MRTFB: variants seen among roughly 807,000 people sequenced by gnomAD.
MRTFB encodes the protein myocardin-related transcription factor B.
A neutral mutation model predicts 104.2 loss-of-function variants in MRTFB; 29 were observed. The observed-to-expected ratio is 0.28, with a 90% CI of 0.21 to 0.38. The LOEUF (loss-of-function observed/expected upper bound fraction) is 0.38. Among genes scored for constraint, MRTFB ranks in the 10% least tolerant of loss-of-function variants. The pLI is 1.00. For synonymous variants in MRTFB, 535 were observed against 519.5 expected (o/e 1.03, Z -0.41); for missense variants, 1,270 against 1,341.6 (o/e 0.95, Z 0.83).
At chr16:14,101,608 CTGTT>C (rs1325309112) in intron 2 of MRTFB, among the ~76,000 whole-genome samples, 1 of 152,154 alleles carries the variant, frequency 6.6e-6, no homozygotes, top group Non-Finnish European at 1.5e-5. Flanking sequence ...TCTATTAACA[CTGTT>C]TGTGGTGGTC....
At chr16:14,179,908 G>A (rs530641211) in intron 3 of MRTFB, among the ~76,000 whole-genome samples, 2 of 152,274 alleles carry the variant, frequency 1.3e-5, no homozygotes, top group East Asian at 1.9e-4. Flanking sequence ...GCACGACACC[G>A]GTGAGACGCT....
At chr16:14,103,827 CAG>C in intron 2 of MRTFB, among the ~76,000 whole-genome samples, 1 of 152,282 alleles carries the variant, frequency 6.6e-6, no homozygotes, top group Middle Eastern at 3.4e-3. Flanking sequence ...GAAAGAGTAG[CAG>C]TTTTAAAGAG....
intron 3 of MRTFB, among the ~76,000 whole-genome samples, chr16:14,172,725 T>G (rs2039462988): frequency 6.6e-6 from 1 of 152,156 alleles, no homozygotes; most frequent in Non-Finnish European, 1.5e-5. Flanking sequence ...TAATGTTTGG[T>G]GTAATTTTGA....
At chr16:14,123,986 C>T (rs2036980659) in intron 2 of MRTFB, among the ~76,000 whole-genome samples, 1 of 152,170 alleles carries the variant, frequency 6.6e-6, no homozygotes, top group African/African-American at 2.4e-5. Context: ...TCCCTCACAT[C>T]CCTTGTAAGT....
chr16:14,113,335 C>T (rs1326833077), intron 2 of MRTFB, among the ~76,000 whole-genome samples: 8 of 152,234 alleles, frequency 5.3e-5, no homozygotes, highest in African/African-American at 1.4e-4. Flanking sequence ...TGAGCCACCA[C>T]GCCCAGCCTA....
chr16:14,154,592 A>G (rs568418616), intron 3 of MRTFB, among the ~76,000 whole-genome samples: 18 of 152,186 alleles, frequency 1.2e-4, no homozygotes, highest in Non-Finnish European at 2.1e-4. Context: ...CAAATGCAGC[A>G]TGCATTTATT....
At chr16:14,226,724 C>T (rs2042018470) in intron 8 of MRTFB, among the ~76,000 whole-genome samples, 1 of 152,114 alleles carries the variant, frequency 6.6e-6, no homozygotes, top group Non-Finnish European at 1.5e-5. Flanking sequence ...CCTGTAATCC[C>T]AGCTGTTTGG....
the MRTFB span, among the ~76,000 whole-genome samples, chr16:14,015,399 C>T: frequency 6.6e-6 from 1 of 152,184 alleles, no homozygotes; most frequent in African/African-American, 2.4e-5. Context: ...CATCTCTTCC[C>T]CTTCCTCCTC....
At chr16:14,215,377 G>A (rs2041371832) in intron 6 of MRTFB, among the ~76,000 whole-genome samples, 1 of 152,122 alleles carries the variant, frequency 6.6e-6, no homozygotes, top group South Asian at 2.1e-4. Context: ...GATTTTGATT[G>A]GATTAGATAT....
upstream of MRTFB, among the ~76,000 whole-genome samples, chr16:14,066,666 C>T (rs1033420516): frequency 2.7e-5 from 4 of 150,486 alleles, no homozygotes; most frequent in African/African-American, 7.3e-5. Flanking sequence ...ATATGAGACT[C>T]ACCTCTGTGT....
rs1399270932 is a variant in MRTFB, at chr16:14,264,267, A to T, written c.*2823A>T. The T allele has an allele frequency of 2.0e-5, 3 of 152,200 alleles. No individual in the cohort carries two copies. The highest frequency in any genetic ancestry group is 4.4e-5 in the Non-Finnish European group (3 of 68,024). The allele number at this position is 152,200 out of a possible 1,614,324, so 9.4% of individuals were successfully genotyped here. On this transcript the variant is annotated 3_prime_UTR_variant, in exon 17 of 17. Coordinates refer to ENST00000571589, the MANE Select transcript of MRTFB (RefSeq NM_001308142.2). ...TCTCACATCCCCATCTTACTTTCCT[A>T]CATGTTCTCAAAACACAGTAGTACC... is the stretch of plus-strand genomic sequence containing the variant.
At chr16:14,258,209 C>G (rs372747029) in intron 16 of MRTFB, 48 bp downstream of exon 16, 2 of 1,524,198 alleles carry the variant, frequency 1.3e-6, no homozygotes, top group African/African-American at 2.7e-5. Context: ...ATCTCTTAAC[C>G]CAAGTTCATG....
In MRTFB at chr16:14,220,179, G is replaced by A. The variant is rs754003265; in HGVS notation, c.693+1181G>A. 1.6e-4 allele frequency among the ~76,000 whole-genome samples: 24 copies of A among 152,314 alleles called. No homozygotes were observed. The East Asian group carries it at 1.7e-3, about 11-fold the overall frequency. On this transcript the variant is annotated intron_variant, in intron 8 of 16. Coordinates refer to ENST00000571589, the MANE Select transcript of MRTFB (RefSeq NM_001308142.2). ...TCTGAGGTTTGAGCAGGCAGAAAGCGAGAGCAAGGGAGACTAAACCCTACT... is the reference window on the plus strand; with the variant it reads ...TCTGAGGTTTGAGCAGGCAGAAAGCAAGAGCAAGGGAGACTAAACCCTACT...
intron 3 of MRTFB, 172 bp downstream of exon 3, chr16:14,140,932 T>A (rs929638316): frequency 8.5e-6 from 5 of 591,378 alleles, no homozygotes; most frequent in Non-Finnish European, 1.4e-5. Flanking sequence ...TCACTTTCCA[T>A]TCAGTTCTTT....
At chr16:14,040,238 T>A in the MRTFB span, among the ~76,000 whole-genome samples, 3 of 152,232 alleles carry the variant, frequency 2.0e-5, no homozygotes, top group Non-Finnish European at 2.9e-5. Flanking sequence ...TCCATTCCTC[T>A]ACTAATGGCC....
At chr16:14,122,619 C>A (rs2036909471) in intron 2 of MRTFB, among the ~76,000 whole-genome samples, 1 of 152,138 alleles carries the variant, frequency 6.6e-6, no homozygotes, top group Admixed American at 6.5e-5. Context: ...TGAACTCATC[C>A]TTTTTTATGG....
At chr16:14,172,228 C>A (rs531440880) in intron 3 of MRTFB, among the ~76,000 whole-genome samples, 2 of 152,050 alleles carry the variant, frequency 1.3e-5, no homozygotes, top group South Asian at 4.2e-4. Flanking sequence ...TTCCCCGCCT[C>A]CCCCCCACAA....
intron 3 of MRTFB, among the ~76,000 whole-genome samples, chr16:14,172,700 G>C (rs1342516204): frequency 6.6e-6 from 1 of 152,146 alleles, no homozygotes; most frequent in Non-Finnish European, 1.5e-5. Context: ...AGTGTTGTCA[G>C]ACATTTTTAC....
intron 3 of MRTFB, among the ~76,000 whole-genome samples, chr16:14,148,264 CTT>C (rs1038501199): frequency 2.0e-5 from 3 of 152,254 alleles, no homozygotes; most frequent in African/African-American, 7.2e-5. Context: ...GGCTGAGAGA[CTT>C]AGGAAAATTA....
Sources: allele counts gnomAD v4.1 joint callset (sites outside exome capture counted in the v4.1 genomes callset), GRCh38; gene constraint gnomAD v4.1.1; transcripts MANE v1.5; gene names NCBI Gene and HGNC (gene_info 2026-07-23, HGNC 2026-07-21).